LTBP2: variants seen among roughly 807,000 people sequenced by gnomAD.
The protein encoded by LTBP2 is latent transforming growth factor beta binding protein 2, also known as latent-transforming growth factor beta-binding protein 2.
A neutral mutation model predicts 210.6 loss-of-function variants in LTBP2; 103 were observed. The observed-to-expected ratio is 0.49, with a 90% confidence interval of 0.42 to 0.58. The LOEUF (loss-of-function observed/expected upper bound fraction) is 0.58, where lower values mean the gene tolerates loss of function less well. Among genes scored for constraint, LTBP2 ranks in the 20% least tolerant of loss-of-function variants. The pLI is 0.00. For synonymous variants in LTBP2, 1,007 were observed against 1,015.0 expected (o/e 0.99, Z 0.15); for missense variants, 2,313 against 2,494.5 (o/e 0.93, Z 1.55).
Position 74,535,979 on chromosome 14 carries a change from C to T in LTBP2, c.1811G>A (p.Gly604Asp). 1 of 1,614,174 alleles carries T rather than the reference C, an allele frequency of 6.2e-7. No individual in the cohort carries two copies. The highest frequency in any genetic ancestry group is 8.5e-7 in the Non-Finnish European group (1 of 1,180,028). ...GTACCCCTGAGGACACTCCAGCTGG[C>T]CATTCTCAATCACCGGGGAGGCTGA... Reference protein sequence around the residue: ...PRPASPVIENGQLECPQGYKR... With the variant: ...PRPASPVIENDQLECPQGYKR... The change falls in exon 9 of 36, where the codon GGC (glycine) becomes GAC (aspartate). Residue 604 changes from glycine to aspartate, a missense_variant. Gly to Asp is a moderately conservative substitution (Grantham distance 94, BLOSUM62 -1). This residue lies in a region of LTBP2 where 1,867 missense variants were observed against 1,976.9 expected (regional missense o/e 0.94). Transcript: ENST00000261978.
chr14:74,504,703 C>G, intron 30 of LTBP2, 75 bp downstream of exon 30: 1 of 1,443,358 alleles, frequency 6.9e-7, no homozygotes, highest in Non-Finnish European at 9.7e-7. Context: ...CAGAACTTCC[C>G]CAGGGACCCT....
intron 1 of LTBP2, among the ~76,000 whole-genome samples, chr14:74,609,130 T>C (rs1156456553): frequency 6.6e-6 from 1 of 152,206 alleles, no homozygotes; most frequent in Non-Finnish European, 1.5e-5. Flanking sequence ...TCAGCCTGAC[T>C]AGAAGCCATT....
intron 18 of LTBP2, among the ~76,000 whole-genome samples, chr14:74,514,565 G>A (rs973314889): frequency 1.3e-5 from 2 of 152,172 alleles, no homozygotes; most frequent in African/African-American, 4.8e-5. Flanking sequence ...TGCGGTGGGG[G>A]TAGGGAAGGC....
In LTBP2 at chr14:74,611,751, G is replaced by T. The variant is rs181092131; in HGVS notation, c.194C>A (p.Ala65Glu). 10 of 1,606,436 alleles carry T rather than the reference G, an allele frequency of 6.2e-6. No individual in the cohort carries two copies. In the African/African-American group the frequency reaches 1.1e-4, roughly 17 times the overall value. The change falls in exon 1 of 36, where the codon GCA (alanine) becomes GAA (glutamate). Residue 65 changes from alanine to glutamate, a missense_variant. By Grantham distance (107) the Ala-to-Glu change is moderately radical. Around this residue, in one of 3 missense-constraint regions of LTBP2, gnomAD observed 1,867 missense variants for 1,976.9 expected, o/e 0.94. Coordinates refer to ENST00000261978, the MANE Select transcript of LTBP2 (RefSeq NM_000428.3). ...RPGGSYPAAA[A>E]AKVYSLFREQ... ...CCGGAACAGACTGTACACCTTGGCT[G>T]CAGCCGCTGCCGGGTAGCTGCCCCC...
chr14:74,558,302 C>T (rs925114183), intron 3 of LTBP2, among the ~76,000 whole-genome samples: 2 of 152,044 alleles, frequency 1.3e-5, no homozygotes, highest in South Asian at 2.1e-4. Flanking sequence ...GGCTGAGGCA[C>T]GAGAATCGCT....
intron 3 of LTBP2, among the ~76,000 whole-genome samples, chr14:74,585,085 G>A (rs755497822): frequency 2.6e-5 from 4 of 152,330 alleles, no homozygotes; most frequent in Non-Finnish European, 4.4e-5. Context: ...AAATGGACTC[G>A]TTTATAAAGT....
rs11846588 is a variant in LTBP2 at position 74,505,398 on chromosome 14, T to C, written c.4178-224A>G. ...GAGGCTTGGGGCCTCGCCACTGCTG[T>C]GCGATTAAGCTATTAAGCAGTGCAG... is the stretch of plus-strand genomic sequence containing the variant. On this transcript the variant is annotated intron_variant, in intron 28 of 35. Transcript: ENST00000261978. Among the ~76,000 whole-genome samples the C allele has an allele frequency of 0.21, 31,451 of 152,146 alleles. 3,505 individuals are homozygous for C. The highest frequency in any genetic ancestry group is 0.28 in the African/African-American group (11,549 of 41,476).
At chr14:74,527,459 C>T in intron 12 of LTBP2, 93 bp from the exon 13 acceptor site, 1 of 1,359,444 alleles carries the variant, frequency 7.4e-7, no homozygotes, top group African/African-American at 1.4e-5. Context: ...AGTCTGCGCC[C>T]CAGACCACAT....
chr14:74,510,502 T>C (rs1031076959), intron 19 of LTBP2, among the ~76,000 whole-genome samples: 3 of 152,236 alleles, frequency 2.0e-5, no homozygotes, highest in Non-Finnish European at 2.9e-5. Flanking sequence ...CATCTGAGGA[T>C]ACTTGAAATG....
rs933750946 is a variant in LTBP2, at chr14:74,509,220, CCA to C, written c.3403+16_3403+17del. 1.2e-6 allele frequency: 2 copies of C among 1,613,342 alleles called. No individual in the cohort carries two copies. The highest frequency in any genetic ancestry group is 2.7e-5 in the African/African-American group (2 of 74,920). ...GGGGGCATCCCATTTGTATCCTCTC[CCA>C]CACAGAGGCTCATACCTTCACAGGA... On this transcript the variant is annotated intron_variant, in intron 22 of 35. Coordinates refer to ENST00000261978, the MANE Select transcript of LTBP2 (RefSeq NM_000428.3).
chr14:74,519,744 C>A (rs2087178735), intron 17 of LTBP2, among the ~76,000 whole-genome samples: 1 of 152,178 alleles, frequency 6.6e-6, no homozygotes. Context: ...ATCTTGGACA[C>A]CCAGGCTGGC....
At chr14:74,528,737 T>C (rs756524073) in intron 11 of LTBP2, 39 bp from the exon 12 acceptor site, 1 of 1,603,210 alleles carries the variant, frequency 6.2e-7, no homozygotes, top group South Asian at 1.1e-5. Flanking sequence ...TGAGAGGTGC[T>C]GTTCCTGCAG....
Position 74,507,964 on chromosome 14 carries a change from A to G in LTBP2, c.3775+9T>C. On this transcript the variant is annotated intron_variant, in intron 25 of 35. Coordinates refer to ENST00000261978, the MANE Select transcript of LTBP2 (RefSeq NM_000428.3). Reference sequence around the variant, plus strand: ...GCAGAGCCCTGTGCCCTCCCCCCAGAGCCCTTACCCACACACTCTCCACTC... The same window carrying G: ...GCAGAGCCCTGTGCCCTCCCCCCAGGGCCCTTACCCACACACTCTCCACTC... 1 of 1,612,762 alleles carries G rather than the reference A, an allele frequency of 6.2e-7. No homozygotes were observed. The highest frequency in any genetic ancestry group is 8.5e-7 in the Non-Finnish European group (1 of 1,179,916).
chr14:74,595,814 G>T (rs114377511), intron 2 of LTBP2, among the ~76,000 whole-genome samples: 1 of 152,172 alleles, frequency 6.6e-6, no homozygotes, highest in Non-Finnish European at 1.5e-5. Context: ...GCATTCAAAC[G>T]CACGATTTGC....
chr14:74,599,029 A>G (rs2088409366), intron 2 of LTBP2, among the ~76,000 whole-genome samples: 1 of 152,226 alleles, frequency 6.6e-6, no homozygotes, highest in Non-Finnish European at 1.5e-5. Context: ...ATTAAAAATG[A>G]ACAATATGAA....
At chr14:74,534,417 TG>T (rs987149542) in intron 9 of LTBP2, among the ~76,000 whole-genome samples, 1 of 152,220 alleles carries the variant, frequency 6.6e-6, no homozygotes, top group African/African-American at 2.4e-5. Context: ...CTTTTGCTTA[TG>T]GGGTTCACAT....
intron 4 of LTBP2, among the ~76,000 whole-genome samples, chr14:74,553,624 G>C (rs1446658375): frequency 6.6e-6 from 1 of 152,118 alleles, no homozygotes; most frequent in East Asian, 1.9e-4. Context: ...GTGGGTGATG[G>C]GGAAGCTGCA....
Position 74,507,981 on chromosome 14 carries a change from T to C in LTBP2, c.3767A>G (p.Glu1256Gly), listed in dbSNP as rs1429684177. 2 of 1,613,356 alleles carry C rather than the reference T, an allele frequency of 1.2e-6. No individual in the cohort carries two copies. Among genetic ancestry groups the C allele is most frequent in the Non-Finnish European group, 1.7e-6 (2 of 1,179,982 alleles). ...TGFQPSPESG[E>G]CVDIDECEDY... ...CCCCCCAGAGCCCTTACCCACACAC[T>C]CTCCACTCTCTGGGGAGGGCTGGAA... The change falls in exon 25 of 36, where the codon GAG (glutamate) becomes GGG (glycine). Residue 1256 changes from glutamate to glycine, a missense_variant. Physicochemically the swap from Glu to Gly is moderately conservative, Grantham distance 98. Around this residue, in one of 3 missense-constraint regions of LTBP2, gnomAD observed 1,867 missense variants for 1,976.9 expected, o/e 0.94. Transcript: ENST00000261978.
chr14:74,564,087 TTATATATATATTTA>T (rs2087838709), intron 3 of LTBP2, among the ~76,000 whole-genome samples: 4 of 14,352 alleles, frequency 2.8e-4, no homozygotes, highest in African/African-American at 1.3e-3. Flanking sequence ...ATATATATAT[TTATATATATATTTA>T]TATATATATT....
Sources: allele counts gnomAD v4.1 joint callset (sites outside exome capture counted in the v4.1 genomes callset), GRCh38; gene constraint gnomAD v4.1.1; regional missense constraint gnomAD v4.1.1; transcripts MANE v1.5; gene names NCBI Gene and HGNC (gene_info 2026-07-23, HGNC 2026-07-21).